Variants in TDRD7 observed in about 807,000 individuals in gnomAD.
TDRD7 encodes tudor domain-containing protein 7.
In TDRD7, 47 loss-of-function variants were observed where a neutral mutation model predicts 109.8. That is an observed-to-expected ratio of 0.43 (90% CI 0.34 to 0.55). The LOEUF is 0.55. Among genes scored for constraint, TDRD7 ranks in the 20% least tolerant of loss-of-function variants. The pLI, the probability that TDRD7 is intolerant of heterozygous loss-of-function variation, is 0.03. For synonymous variants in TDRD7, 424 were observed against 457.3 expected (o/e 0.93, Z 0.93); for missense variants, 1,164 against 1,319.2 (o/e 0.88, Z 1.82).
chr9:97,460,783 T>G lies in TDRD7; in HGVS notation c.1442+19T>G. ...TTATCAGGCAAGTTTCATTTTCTAA[T>G]TCTTTAGGATTCTGATATACTTTTG... is the stretch of plus-strand genomic sequence containing the variant. On this transcript the variant is annotated intron_variant, in intron 7 of 16. Coordinates refer to ENST00000355295, the MANE Select transcript of TDRD7 (RefSeq NM_014290.3). 3 of 1,596,168 alleles carry G rather than the reference T, an allele frequency of 1.9e-6. No homozygotes were observed. Among genetic ancestry groups the G allele is most frequent in the Non-Finnish European group, 2.6e-6 (3 of 1,163,978 alleles).
chr9:97,494,925 G>A (rs1208952666), intron 16 of TDRD7, among the ~76,000 whole-genome samples: 1 of 151,892 alleles, frequency 6.6e-6, no homozygotes, highest in African/African-American at 2.4e-5. Flanking sequence ...TGCCCAGGCT[G>A]GTCTCGAACT....
Position 97,496,026 on chromosome 9 carries a change from A to G in TDRD7, c.*143A>G. The G allele has an allele frequency of 2.9e-6, 2 of 696,014 alleles. No individual in the cohort carries two copies. Among genetic ancestry groups the G allele is most frequent in the East Asian group, 5.5e-5 (2 of 36,626 alleles). 43.1% of individuals were successfully genotyped at this position (696,014 alleles called of 1,614,324 possible). A position where few individuals can be genotyped will look rare whatever the true frequency, so the allele number is the denominator to read the frequency against. On this transcript the variant is annotated 3_prime_UTR_variant, in exon 17 of 17. Coordinates refer to ENST00000355295, the MANE Select transcript of TDRD7 (RefSeq NM_014290.3). ...AGAATATGCTTATGTTTGATGAAAG[A>G]TATTTAACAAGTTTTGTTTTAACAG...
At chr9:97,484,099 C>CA (rs1208692142) in intron 15 of TDRD7, among the ~76,000 whole-genome samples, 2 of 152,174 alleles carry the variant, frequency 1.3e-5, no homozygotes, top group Non-Finnish European at 2.9e-5. Flanking sequence ...TGGAAGATGG[C>CA]AAGACTCTTG....
intron 1 of TDRD7, among the ~76,000 whole-genome samples, chr9:97,415,188 A>G (rs577318782): frequency 1.4e-4 from 21 of 152,338 alleles, no homozygotes; most frequent in African/African-American, 3.8e-4. Flanking sequence ...GACAACTTAA[A>G]CTGATGACAT....
chr9:97,430,602 T>G (rs1396359478), intron 2 of TDRD7, among the ~76,000 whole-genome samples: 2 of 152,172 alleles, frequency 1.3e-5, no homozygotes, highest in Non-Finnish European at 2.9e-5. Flanking sequence ...ACCTCACAGA[T>G]TATATGATAT....
In TDRD7 at chr9:97,441,854, A is replaced by G. The variant is rs755224837; in HGVS notation, c.834A>G (p.Glu278=). ...DLNQGILQQF[E]HWPHICTVEK... ...ATCAAGGAATTTTACAACAGTTTGA[A>G]CACTGGCCTCATATTTGCACGGTAT... The change falls in exon 6 of 17, where the codon GAA becomes GAG. Residue 278 remains glutamate, a synonymous_variant. Transcript: ENST00000355295. 2 of 1,613,666 alleles carry G rather than the reference A, an allele frequency of 1.2e-6. No individual in the cohort carries two copies. The highest frequency in any genetic ancestry group is 1.1e-5 in the South Asian group (1 of 91,072).
chr9:97,431,432 T>A (rs1354223366), intron 3 of TDRD7, among the ~76,000 whole-genome samples: 1 of 152,196 alleles, frequency 6.6e-6, no homozygotes, highest in Admixed American at 6.5e-5. Flanking sequence ...AATTATGTCT[T>A]CTGGTAGAAA....
chr9:97,465,068 A>C, intron 8 of TDRD7, 40 bp downstream of exon 8: 1 of 1,578,760 alleles, frequency 6.3e-7, no homozygotes. Flanking sequence ...ATGGATACAA[A>C]TACCTTATTA....
rs1323288121 is a variant in TDRD7 at position 97,412,658 on chromosome 9, G to A, written c.-7+420G>A. Among the ~76,000 whole-genome samples, 1 of 152,226 alleles carries A rather than the reference G, an allele frequency of 6.6e-6. No individual in the cohort carries two copies. Among genetic ancestry groups the A allele is most frequent in the African/African-American group, 2.4e-5 (1 of 41,470 alleles). On this transcript the variant is annotated intron_variant, in intron 1 of 16. Coordinates refer to ENST00000355295, the MANE Select transcript of TDRD7 (RefSeq NM_014290.3). The surrounding 1 kb of genome is among the most constrained non-coding windows in gnomAD (Gnocchi z 4.3). The stretch of plus-strand genomic sequence containing the variant: ...GCAGCCGCCGCCCCCAGCGAGGGAT[G>A]TCCGCGCTCCCCTATTTGAACCCAA...
chr9:97,459,399 T>C (rs1227483852), intron 6 of TDRD7, among the ~76,000 whole-genome samples: 2 of 152,230 alleles, frequency 1.3e-5, no homozygotes, highest in Non-Finnish European at 2.9e-5. Flanking sequence ...CCATGAGCCA[T>C]GAACTGCATT....
At position 97,495,927 on chromosome 9, in the gene TDRD7, A is replaced by T; in HGVS notation, c.*44A>T. 1 of 1,534,346 alleles carries T rather than the reference A, an allele frequency of 6.5e-7. No homozygotes were observed. Reference sequence around the variant, plus strand: ...TGACAACTAATTCAGATTTTTTAGCAATAACAAAATGTAGTAGGCTTAAAA... The same window carrying T: ...TGACAACTAATTCAGATTTTTTAGCTATAACAAAATGTAGTAGGCTTAAAA... On this transcript the variant is annotated 3_prime_UTR_variant, in exon 17 of 17. Transcript: ENST00000355295.
intron 6 of TDRD7, among the ~76,000 whole-genome samples, chr9:97,453,951 G>A (rs551979035): frequency 2.0e-5 from 3 of 152,152 alleles, no homozygotes; most frequent in Admixed American, 2.0e-4. Context: ...AATAGTAGTG[G>A]GAGACTTTAA....
intron 6 of TDRD7, among the ~76,000 whole-genome samples, chr9:97,444,209 T>C (rs1375911669): frequency 6.6e-6 from 1 of 152,200 alleles, no homozygotes; most frequent in Non-Finnish European, 1.5e-5. Context: ...GTCCAAGCAA[T>C]GAGAGTCAGA....
chr9:97,475,851 A>T (rs1349541305), intron 12 of TDRD7, among the ~76,000 whole-genome samples: 1 of 152,168 alleles, frequency 6.6e-6, no homozygotes, highest in African/African-American at 2.4e-5. Context: ...ATATTTTCAA[A>T]CTTTATGTAA....
intron 1 of TDRD7, among the ~76,000 whole-genome samples, chr9:97,417,656 G>A (rs1203633518): frequency 1.3e-5 from 2 of 152,324 alleles, no homozygotes; most frequent in East Asian, 3.9e-4. Flanking sequence ...AGGAAAATGA[G>A]TGAGCAGTGG....
At chr9:97,433,690 C>A (rs975106112) in intron 4 of TDRD7, among the ~76,000 whole-genome samples, 28 of 151,954 alleles carry the variant, frequency 1.8e-4, no homozygotes, top group African/African-American at 6.8e-4. Context: ...ATTTTAAAAA[C>A]GAGCAAAGGA....
Position 97,449,475 on chromosome 9 carries a change from G to A in TDRD7, c.855+7600G>A, listed in dbSNP as rs557876991. The stretch of plus-strand genomic sequence containing the variant: ...TTTGATTAATTTGCTGGAGTGGCTC[G>A]CAGAACTCAGGCAAACAGTTATATT... On this transcript the variant is annotated intron_variant, in intron 6 of 16. Transcript: ENST00000355295. Among the ~76,000 whole-genome samples the A allele has an allele frequency of 6.6e-4, 101 of 152,166 alleles. No individual in the cohort carries two copies. The East Asian group carries it at 0.018, about 27-fold the overall frequency.
chr9:97,487,411 A>C, intron 16 of TDRD7, 79 bp downstream of exon 16: 1 of 1,580,940 alleles, frequency 6.3e-7, no homozygotes, highest in South Asian at 1.1e-5. Flanking sequence ...CAAGTACTGA[A>C]TCATTGGCCT....
chr9:97,460,102 T>TAGAATGC (rs1322862760), intron 6 of TDRD7, 76 bp from the exon 7 acceptor site: 17 of 1,251,090 alleles, frequency 1.4e-5, no homozygotes, highest in Non-Finnish European at 1.9e-5. Flanking sequence ...CTCTCAAATT[T>TAGAATGC]AGAATGCATT....
Sources: allele counts gnomAD v4.1 joint callset (sites outside exome capture counted in the v4.1 genomes callset), GRCh38; gene constraint gnomAD v4.1.1; non-coding constraint Gnocchi (gnomAD v3.1); transcripts MANE v1.5; gene names NCBI Gene and HGNC (gene_info 2026-07-23, HGNC 2026-07-21).